Variants in E2F8 observed in about 807,000 individuals in gnomAD.
E2F8 encodes the protein transcription factor E2F8.
Under a neutral mutation model 80.8 loss-of-function variants are expected in E2F8, and 35 were observed. The ratio of observed to expected loss-of-function variants is 0.43; its 90% CI spans 0.33 to 0.57. The LOEUF (loss-of-function observed/expected upper bound fraction) is 0.57. E2F8 is among the 20% of genes least tolerant of loss of function. E2F8 has a pLI of 0.04. For synonymous variants in E2F8, 386 were observed against 395.0 expected (o/e 0.98, Z 0.27); for missense variants, 975 against 1,056.2 (o/e 0.92, Z 1.07).
chr11:19,229,840 G>A lies in E2F8; in HGVS notation c.1507C>T (p.Pro503Ser). The change falls in exon 10 of 13, where the codon CCC (proline) becomes TCC (serine). Residue 503 changes from proline to serine, a missense_variant. Physicochemically the swap from Pro to Ser is moderately conservative, Grantham distance 74. Coordinates refer to ENST00000250024, the MANE Select transcript of E2F8 (RefSeq NM_024680.4). This position sits in a 1 kb window ranked among gnomAD's most constrained non-coding sequence, Gnocchi z 4.3. Reference sequence around the variant, plus strand: ...ATCAGGGGCACTGCTGATGACAAGGGGCTGGGGATCAGGGGAACCATTCCC... The same window carrying A: ...ATCAGGGGCACTGCTGATGACAAGGAGCTGGGGATCAGGGGAACCATTCCC... ...PLGMVPLIPSPLSSAVPLILP... is the reference protein window; with the variant it reads ...PLGMVPLIPSSLSSAVPLILP... The A allele has an allele frequency of 6.2e-7, 1 of 1,613,976 alleles. No individual in the cohort carries two copies. Among genetic ancestry groups the A allele is most frequent in the Non-Finnish European group, 8.5e-7 (1 of 1,179,954 alleles).
chr11:19,234,391 A>G lies in E2F8; in HGVS notation c.897T>C (p.His299=). 2 of 1,614,152 alleles carry G rather than the reference A, an allele frequency of 1.2e-6. No homozygotes were observed. The highest frequency in any genetic ancestry group is 2.2e-5 in the South Asian group (2 of 91,072). ...VAAKILIGED[H]VEDLDKSKFK... ...ACTTGCTTTTATCCAAATCTTCCAC[A>G]TGGTCCTCCCCAATTAAAATCTTGG... Residue 299 remains histidine (H), a synonymous_variant, in exon 6 of 13, where the codon CAT becomes CAC. Transcript: ENST00000250024.
intron 10 of E2F8, 179 bp from the exon 11 acceptor site, chr11:19,226,043 C>T (rs793273): frequency 0.82 from 528,098 of 644,918 alleles, 217,676 homozygotes; most frequent in African/African-American, 0.92. Flanking sequence ...TCCCACCCTT[C>T]CCAATGCTTG....
chr11:19,229,460 G>A lies in E2F8; in HGVS notation c.1887C>T (p.Val629=). ...FKEDLKGLEN[V]SATLFPSGYL... The stretch of plus-strand genomic sequence containing the variant: ...AGTTCAAGGCTGTACTTACTGCGGA[G>A]ACATTTTCAAGTCCTTTTAGGTCCT... Residue 629 remains valine, a synonymous_variant, in exon 10 of 13, where the codon GTC becomes GTT. Coordinates refer to ENST00000250024, the MANE Select transcript of E2F8 (RefSeq NM_024680.4). This position sits in a 1 kb window ranked among gnomAD's most constrained non-coding sequence, Gnocchi z 4.3. 1 of 1,612,628 alleles carries A rather than the reference G, an allele frequency of 6.2e-7. No homozygotes were observed.
chr11:19,234,303 C>A (rs1851457100), intron 6 of E2F8, 57 bp downstream of exon 6: 1 of 1,585,792 alleles, frequency 6.3e-7, no homozygotes, highest in Non-Finnish European at 8.6e-7. Context: ...GAGTTTACGA[C>A]TGAGATTTTA....
intron 4 of E2F8, among the ~76,000 whole-genome samples, chr11:19,235,353 A>C (rs1037517777): frequency 3.3e-5 from 5 of 152,206 alleles, no homozygotes; most frequent in Non-Finnish European, 7.3e-5. Context: ...CTGCACTTTA[A>C]AAAGGATGAG....
Position 19,229,556 on chromosome 11 carries a change from C to T in E2F8, c.1791G>A (p.Glu597=). 1 of 1,614,254 alleles carries T rather than the reference C, an allele frequency of 6.2e-7. No individual in the cohort carries two copies. Among genetic ancestry groups the T allele is most frequent in the Non-Finnish European group, 8.5e-7 (1 of 1,180,044 alleles). The change falls in exon 10 of 13, where the codon GAG becomes GAA. Residue 597 remains glutamate, a synonymous_variant. Transcript: ENST00000250024. This position sits in a 1 kb window ranked among gnomAD's most constrained non-coding sequence, Gnocchi z 4.3. The stretch of plus-strand genomic sequence containing the variant: ...TCTTTGAGCCTCTTTCTCCAGCTGG[C>T]TCCCTGGTTCGGCTCTTTGCCCCTT... ...ERQGAKSRTR[E]PAGERGSKRA...
intron 2 of E2F8, among the ~76,000 whole-genome samples, chr11:19,239,587 A>G (rs140350776): frequency 1.8e-4 from 27 of 152,080 alleles, no homozygotes; most frequent in African/African-American, 3.9e-4. Flanking sequence ...GTAAAAAATT[A>G]TCTTAAAAAG....
At chr11:19,233,542 C>T (rs1008140892) in intron 6 of E2F8, among the ~76,000 whole-genome samples, 1 of 152,078 alleles carries the variant, frequency 6.6e-6, no homozygotes, top group African/African-American at 2.4e-5. Flanking sequence ...GGCTGGAGTG[C>T]AGTGGCGCGA....
At chr11:19,240,438 G>C (rs986561282) in intron 1 of E2F8, 110 bp downstream of exon 1, 18 of 192,880 alleles carry the variant, frequency 9.3e-5, no homozygotes, top group African/African-American at 3.9e-4. Flanking sequence ...ACGGATCGGC[G>C]GTCCTAAGAC....
At chr11:19,239,991 G>T in intron 2 of E2F8, 116 bp downstream of exon 2, 2 of 715,208 alleles carry the variant, frequency 2.8e-6, no homozygotes, top group Non-Finnish European at 4.3e-6. Flanking sequence ...TCTTTACAGA[G>T]GCTAACCAAG....
chr11:19,240,243 A>G lies in E2F8; in HGVS notation c.-109-13T>C. ...AAGTTTTAATATCCTTAAAGAAAAAAGGAAATAGAAAAAGTTAGAGAAAAA... is the reference window on the plus strand; with the variant it reads ...AAGTTTTAATATCCTTAAAGAAAAAGGGAAATAGAAAAAGTTAGAGAAAAA... On this transcript the variant is annotated splice_polypyrimidine_tract_variant and intron_variant, in intron 1 of 12. Coordinates refer to ENST00000250024, the MANE Select transcript of E2F8 (RefSeq NM_024680.4). 1.8e-6 allele frequency: 1 copy of G among 554,930 alleles called. No homozygotes were observed. The highest frequency in any genetic ancestry group is 2.9e-6 in the Non-Finnish European group (1 of 339,570). The allele number at this position is 554,930 out of a possible 1,614,324, so 34.4% of individuals were successfully genotyped here.
At chr11:19,228,508 C>A (rs1380151487) in intron 10 of E2F8, among the ~76,000 whole-genome samples, 1 of 152,216 alleles carries the variant, frequency 6.6e-6, no homozygotes, top group Non-Finnish European at 1.5e-5. Context: ...TGCCCACAGG[C>A]AAGTACCCAA....
In E2F8 at chr11:19,237,471, C is replaced by T; in HGVS notation, c.295-1G>A. 1 of 1,612,060 alleles carries T rather than the reference C, an allele frequency of 6.2e-7. No homozygotes were observed. The highest frequency in any genetic ancestry group is 1.7e-5 in the Admixed American group (1 of 59,456). On this transcript the variant is annotated splice_acceptor_variant, in intron 3 of 12. Transcript: ENST00000250024. LOFTEE classifies it high-confidence loss of function. ...CAAATTCATCTCCAGATAAGTGTTC[C>T]TACAAAGGAAAAGGTAAACAATGTC... is the stretch of plus-strand genomic sequence containing the variant.
chr11:19,228,797 T>C (rs958970789), intron 10 of E2F8, among the ~76,000 whole-genome samples: 1 of 152,364 alleles, frequency 6.6e-6, no homozygotes, highest in Admixed American at 6.5e-5. Context: ...TAAAAGTGAC[T>C]AATATCTATT....
chr11:19,228,104 T>C (rs1839335444), intron 10 of E2F8, among the ~76,000 whole-genome samples: 1 of 151,960 alleles, frequency 6.6e-6, no homozygotes, highest in Non-Finnish European at 1.5e-5. Context: ...AAGAAATGGT[T>C]AGAGTTGCAG....
Position 19,234,844 on chromosome 11 carries a change from C to T in E2F8, c.666G>A (p.Lys222=). 2 of 1,614,190 alleles carry T rather than the reference C, an allele frequency of 1.2e-6. No homozygotes were observed. The highest frequency in any genetic ancestry group is 2.2e-5 in the South Asian group (2 of 91,086). The change falls in exon 5 of 13, where the codon AAG becomes AAA. Residue 222 remains lysine, a synonymous_variant. Transcript: ENST00000250024. ...TGATATGATCCTCTATACTGTAACT[C>T]TTAATAAAGTCAAACTCTTGCTCAT... ...KEYEQEFDFI[K]SYSIEDHIIK...
chr11:19,229,011 C>T lies in E2F8; in HGVS notation c.1893+443G>A, dbSNP rs760381328. 1.1e-4 allele frequency among the ~76,000 whole-genome samples: 17 copies of T among 152,156 alleles called. No individual in the cohort carries two copies. The highest frequency in any genetic ancestry group is 8.3e-4 in the South Asian group (4 of 4,814). ...TTAAATTTTAGGTAGAAAGTAAAAACGGGGAGCAATTTATCTTCTAGGCAA... is the reference window on the plus strand; with the variant it reads ...TTAAATTTTAGGTAGAAAGTAAAAATGGGGAGCAATTTATCTTCTAGGCAA... On this transcript the variant is annotated intron_variant, in intron 10 of 12. Transcript: ENST00000250024. The surrounding 1 kb of genome is among the most constrained non-coding windows in gnomAD (Gnocchi z 4.3).
intron 2 of E2F8, 115 bp downstream of exon 2, chr11:19,239,992 G>T: frequency 1.4e-6 from 1 of 725,652 alleles, no homozygotes; most frequent in Non-Finnish European, 2.1e-6. Context: ...CTTTACAGAG[G>T]CTAACCAAGG....
chr11:19,230,983 C>CTTGTTTATCTT, intron 7 of E2F8, 149 bp from the exon 8 acceptor site: 1 of 671,050 alleles, frequency 1.5e-6, no homozygotes, highest in Non-Finnish European at 2.5e-6. Flanking sequence ...CAGAGAAAGC[C>CTTGTTTATCTT]TTGTTTATCT....
Sources: allele counts gnomAD v4.1 joint callset (sites outside exome capture counted in the v4.1 genomes callset), GRCh38; gene constraint gnomAD v4.1.1; non-coding constraint Gnocchi (gnomAD v3.1); transcripts MANE v1.5; gene names NCBI Gene and HGNC (gene_info 2026-07-23, HGNC 2026-07-21).